The following GHR variants were observed in gnomAD, a reference collection of about 807,000 sequenced individuals.
GHR encodes the protein growth hormone receptor, also known as GH receptor.
A neutral mutation model predicts 67.1 loss-of-function variants in GHR; 35 were observed. The ratio of observed to expected loss-of-function variants is 0.52; its 90% confidence interval spans 0.40 to 0.69. GHR has a LOEUF of 0.69. Ranked by LOEUF, GHR falls within the 30% of genes least tolerant of loss-of-function variation. The pLI is 0.00. For synonymous variants in GHR, 272 were observed against 269.1 expected (o/e 1.01, Z -0.10); for missense variants, 792 against 764.6 (o/e 1.04, Z -0.42).
rs193256508 is a variant in GHR, at chr5:42,504,755, C to T, written c.-11-61109C>T. Among the ~76,000 whole-genome samples, 185 of 152,126 alleles carry T rather than the reference C, an allele frequency of 1.2e-3. 1 individual carries two copies. Among genetic ancestry groups the T allele is most frequent in the Admixed American group, 5.0e-3 (77 of 15,282 alleles). ...GCCTGAGAACGGAGCGAGATTCCGT[C>T]TCAAAATAAAATAAAATAAAATAAA... On this transcript the variant is annotated intron_variant, in intron 1 of 9. Coordinates refer to ENST00000230882, the MANE Select transcript of GHR (RefSeq NM_000163.5).
intron 1 of GHR, among the ~76,000 whole-genome samples, chr5:42,476,003 C>T (rs551298405): frequency 6.6e-6 from 1 of 150,856 alleles, no homozygotes; most frequent in African/African-American, 2.4e-5. Context: ...CTCCCAGGCT[C>T]ACGCCATTCT....
chr5:42,691,466 C>T (rs973813254), intron 4 of GHR, among the ~76,000 whole-genome samples: 1 of 152,206 alleles, frequency 6.6e-6, no homozygotes, highest in African/African-American at 2.4e-5. Context: ...TCATTGCCCA[C>T]TTCACAGAGA....
intron 6 of GHR, among the ~76,000 whole-genome samples, chr5:42,703,000 A>T (rs1478606841): frequency 1.3e-5 from 2 of 151,952 alleles, no homozygotes; most frequent in African/African-American, 4.8e-5. Context: ...CTCCCATTCC[A>T]TAGAGTGTCT....
chr5:42,611,991 T>C (rs984414402), intron 2 of GHR, among the ~76,000 whole-genome samples: 16 of 152,288 alleles, frequency 1.1e-4, no homozygotes, highest in African/African-American at 3.8e-4. Flanking sequence ...GTTAGACCCA[T>C]GTGTGATGTA....
chr5:42,659,284 T>G (rs1185361547), intron 3 of GHR: 1 of 152,206 alleles, frequency 6.6e-6, no homozygotes, highest in East Asian at 1.9e-4. Flanking sequence ...TCCAGCTAGC[T>G]TCAAAGACTG....
intron 6 of GHR, among the ~76,000 whole-genome samples, chr5:42,702,052 T>C (rs1757957252): frequency 6.6e-6 from 1 of 152,186 alleles, no homozygotes; most frequent in African/African-American, 2.4e-5. Context: ...CATACCTTTT[T>C]TTGTGTGTTG....
At chr5:42,715,745 G>T (rs1280089365) in intron 8 of GHR, among the ~76,000 whole-genome samples, 1 of 152,116 alleles carries the variant, frequency 6.6e-6, no homozygotes, top group Non-Finnish European at 1.5e-5. Flanking sequence ...GTAAAATAGA[G>T]AATTTTCACA....
At chr5:42,478,509 C>T (rs1266357408) in intron 1 of GHR, among the ~76,000 whole-genome samples, 4 of 152,036 alleles carry the variant, frequency 2.6e-5, no homozygotes, top group Non-Finnish European at 5.9e-5. Flanking sequence ...ATTCTTCCTA[C>T]CCATGAGCAT....
At chr5:42,457,192 G>C (rs1011674092) in intron 1 of GHR, among the ~76,000 whole-genome samples, 1 of 152,168 alleles carries the variant, frequency 6.6e-6, no homozygotes, top group South Asian at 2.1e-4. Context: ...GGTGAAAAAG[G>C]CTGAGTGTGT....
chr5:42,622,792 G>C (rs923802115), intron 2 of GHR, among the ~76,000 whole-genome samples: 12 of 152,146 alleles, frequency 7.9e-5, no homozygotes, highest in Non-Finnish European at 1.6e-4. Context: ...ACACACTAGA[G>C]AACTGGGATT....
intron 1 of GHR, among the ~76,000 whole-genome samples, chr5:42,483,090 A>G (rs527242840): frequency 6.6e-6 from 1 of 152,114 alleles, no homozygotes; most frequent in Non-Finnish European, 1.5e-5. Context: ...ATTTTTTGAG[A>G]CAGGGTCTCA....
intron 1 of GHR, among the ~76,000 whole-genome samples, chr5:42,450,427 T>C (rs771034187): frequency 7.2e-5 from 11 of 152,194 alleles, no homozygotes; most frequent in Non-Finnish European, 1.5e-4. Context: ...GTGTTTATAA[T>C]AGCCTTGAAT....
At chr5:42,584,426 C>T (rs1751362594) in intron 2 of GHR, among the ~76,000 whole-genome samples, 1 of 152,146 alleles carries the variant, frequency 6.6e-6, no homozygotes, top group African/African-American at 2.4e-5. Context: ...CTAGATTTCA[C>T]AGGGCAGATG....
At chr5:42,667,263 A>G (rs530032090) in intron 3 of GHR, among the ~76,000 whole-genome samples, 18 of 152,282 alleles carry the variant, frequency 1.2e-4, no homozygotes, top group African/African-American at 4.3e-4. Flanking sequence ...CCTCACTGTC[A>G]TCCTCTGAGA....
At chr5:42,642,387 G>A (rs1754522417) in intron 3 of GHR, among the ~76,000 whole-genome samples, 2 of 151,858 alleles carry the variant, frequency 1.3e-5, no homozygotes, top group Non-Finnish European at 2.9e-5. Flanking sequence ...TTCCCCTCAA[G>A]GCATAACACA....
chr5:42,717,369 T>C (rs1222960512), intron 8 of GHR, among the ~76,000 whole-genome samples: 1 of 152,208 alleles, frequency 6.6e-6, no homozygotes, highest in East Asian at 1.9e-4. Flanking sequence ...AATAGATACA[T>C]GATTTATTCA....
chr5:42,585,282 G>T (rs1384804480), intron 2 of GHR, among the ~76,000 whole-genome samples: 1 of 152,130 alleles, frequency 6.6e-6, no homozygotes, highest in Non-Finnish European at 1.5e-5. Flanking sequence ...TTTCTTTCTT[G>T]TAGTTTTTCT....
chr5:42,605,007 G>C (rs1233793800), intron 2 of GHR, among the ~76,000 whole-genome samples: 2 of 150,448 alleles, frequency 1.3e-5, no homozygotes, highest in Non-Finnish European at 3.0e-5. Context: ...ATATGAAATA[G>C]CCATCTCTCC....
intron 2 of GHR, among the ~76,000 whole-genome samples, chr5:42,609,156 C>T (rs1320439432): frequency 1.3e-5 from 2 of 151,994 alleles, no homozygotes; most frequent in Non-Finnish European, 2.9e-5. Flanking sequence ...GTACTAGCTC[C>T]CAGGCCTGAA....
Sources: gnomAD v4.1 joint callset for allele counts (sites outside exome capture counted in the v4.1 genomes callset) on GRCh38, gnomAD v4.1.1 for gene constraint, MANE v1.5 for transcripts, NCBI Gene and HGNC (gene_info 2026-07-23, HGNC 2026-07-21) for gene names.